ADCY8: variants seen among roughly 807,000 people sequenced by gnomAD.
ADCY8 encodes adenylate cyclase 8.
ADCY8 carries 51 observed loss-of-function variants against 119.7 expected under a neutral mutation model. The ratio of observed to expected loss-of-function variants is 0.43; its 90% CI spans 0.34 to 0.54. ADCY8 has a LOEUF of 0.54. Among genes scored for constraint, ADCY8 ranks in the 20% least tolerant of loss-of-function variants. ADCY8 has a pLI of 0.03. For missense variants in ADCY8, 1,383 were observed against 1,598.8 expected (o/e 0.87, Z 2.30); for synonymous variants, 665 against 651.0 (o/e 1.02, Z -0.33).
At chr8:130,922,624 C>A (rs986615289) in intron 5 of ADCY8, among the ~76,000 whole-genome samples, 1 of 152,062 alleles carries the variant, frequency 6.6e-6, no homozygotes, top group East Asian at 1.9e-4. Context: ...TACACAGACA[C>A]GGCAACCATC....
chr8:131,002,775 A>C (rs540922759), intron 1 of ADCY8, among the ~76,000 whole-genome samples: 2 of 152,302 alleles, frequency 1.3e-5, no homozygotes, highest in Admixed American at 1.3e-4. Flanking sequence ...CTTGAATTCC[A>C]AGAATAATAT....
At chr8:130,951,716 T>C (rs775568905) in intron 3 of ADCY8, 152 bp downstream of exon 3, 5 of 918,966 alleles carry the variant, frequency 5.4e-6, no homozygotes, top group South Asian at 2.0e-5. Flanking sequence ...AATGTAGAAC[T>C]CTCTGATGAA....
intron 1 of ADCY8, among the ~76,000 whole-genome samples, chr8:130,995,647 C>G (rs1451501913): frequency 6.6e-6 from 1 of 152,044 alleles, no homozygotes; most frequent in Non-Finnish European, 1.5e-5. Context: ...ATCTCCTCTT[C>G]TTCGAACACT....
At chr8:131,039,205 G>A (rs1203125788) in intron 1 of ADCY8, among the ~76,000 whole-genome samples, 169 bp downstream of exon 1, 2 of 152,332 alleles carry the variant, frequency 1.3e-5, no homozygotes, top group Non-Finnish European at 2.9e-5. Context: ...TCCACTTTAA[G>A]AAGAGATTGC....
At chr8:130,925,957 A>G (rs181790862) in intron 5 of ADCY8, among the ~76,000 whole-genome samples, 1 of 152,218 alleles carries the variant, frequency 6.6e-6, no homozygotes, top group Non-Finnish European at 1.5e-5. Flanking sequence ...GGGGAGAGAG[A>G]GTTATCCCTC....
At chr8:130,950,095 G>A (rs1018219376) in intron 3 of ADCY8, among the ~76,000 whole-genome samples, 1 of 152,204 alleles carries the variant, frequency 6.6e-6, no homozygotes, top group Non-Finnish European at 1.5e-5. Flanking sequence ...GTGCAAAATT[G>A]TCCTCTATCC....
At chr8:130,977,159 G>A (rs779821150) in intron 2 of ADCY8, among the ~76,000 whole-genome samples, 2 of 152,178 alleles carry the variant, frequency 1.3e-5, no homozygotes, top group Non-Finnish European at 1.5e-5. Flanking sequence ...TCGGGTGTGA[G>A]CGCATGGTGT....
At chr8:130,994,689 G>A (rs975168467) in intron 1 of ADCY8, among the ~76,000 whole-genome samples, 4 of 152,110 alleles carry the variant, frequency 2.6e-5, no homozygotes, top group Admixed American at 6.5e-5. Flanking sequence ...GACTTCAGTT[G>A]TTTTTAAATT....
chr8:130,939,409 C>T (rs1460293996), intron 4 of ADCY8, among the ~76,000 whole-genome samples: 1 of 152,120 alleles, frequency 6.6e-6, no homozygotes, highest in East Asian at 1.9e-4. Flanking sequence ...CAGATCCGAA[C>T]ACTGAGACTG....
At chr8:131,010,870 A>C (rs988647212) in intron 1 of ADCY8, among the ~76,000 whole-genome samples, 9 of 152,258 alleles carry the variant, frequency 5.9e-5, no homozygotes, top group African/African-American at 1.9e-4. Context: ...GAAATATGAT[A>C]CATCCATTTA....
In ADCY8 at chr8:130,867,810, A is replaced by G. The variant is rs138722871; in HGVS notation, c.2210+36T>C. ...ACTCCACATGAGGAATCTCACAAAG[A>G]TATTTCACCAGATCAATTAGTTCTT... On this transcript the variant is annotated intron_variant, in intron 9 of 17. Coordinates refer to ENST00000286355, the MANE Select transcript of ADCY8 (RefSeq NM_001115.3). 1.5e-4 allele frequency: 218 copies of G among 1,456,586 alleles called. 2 individuals are homozygous for G. In the East Asian group the frequency reaches 4.9e-3, roughly 33 times the overall value. 90.2% of individuals were successfully genotyped at this position (1,456,586 alleles called of 1,614,324 possible).
chr8:131,028,091 G>A (rs1349510689), intron 1 of ADCY8, among the ~76,000 whole-genome samples: 3 of 152,222 alleles, frequency 2.0e-5, no homozygotes, highest in Non-Finnish European at 4.4e-5. Context: ...ACTGGGTCAG[G>A]AGTGTTGAAC....
Position 130,859,220 on chromosome 8 carries a change from T to C in ADCY8, c.2210+8626A>G, listed in dbSNP as rs997467209. Reference sequence around the variant, plus strand: ...ACATATCTATAAATATTCCTACATGTAACCATCTCTATCTATATTAAGCTA... The same window carrying C: ...ACATATCTATAAATATTCCTACATGCAACCATCTCTATCTATATTAAGCTA... On this transcript the variant is annotated intron_variant, in intron 9 of 17. Coordinates refer to ENST00000286355, the MANE Select transcript of ADCY8 (RefSeq NM_001115.3). 9.2e-5 allele frequency among the ~76,000 whole-genome samples: 14 copies of C among 152,338 alleles called. No individual in the cohort carries two copies. In the South Asian group the frequency reaches 2.9e-3, roughly 32 times the overall value.
intron 1 of ADCY8, among the ~76,000 whole-genome samples, chr8:130,999,767 A>G (rs1429036994): frequency 1.3e-5 from 2 of 152,226 alleles, no homozygotes; most frequent in East Asian, 3.8e-4. Context: ...GTGTGCGTGG[A>G]AAGACCAGCT....
At chr8:130,987,474 ATAAT>A (rs1327906211) in intron 2 of ADCY8, among the ~76,000 whole-genome samples, 3 of 150,422 alleles carry the variant, frequency 2.0e-5, no homozygotes, top group Admixed American at 2.0e-4. Flanking sequence ...AACAAATTAA[ATAAT>A]TATTTTTTTT....
chr8:130,836,270 C>T lies in ADCY8; in HGVS notation c.2675+7G>A, dbSNP rs1301939180. 6.2e-7 allele frequency: 1 copy of T among 1,607,348 alleles called. No homozygotes were observed. The highest frequency in any genetic ancestry group is 1.7e-5 in the Admixed American group (1 of 59,302). On this transcript the variant is annotated splice_region_variant and intron_variant, in intron 12 of 17. Transcript: ENST00000286355. ...CACACTTTGGACTCACGGTGGTGGG[C>T]ACTTACTCTCCACTGTGGTTGAGGT...
At chr8:130,788,007 A>T (rs1815311825) in intron 15 of ADCY8, among the ~76,000 whole-genome samples, 1 of 152,232 alleles carries the variant, frequency 6.6e-6, no homozygotes, top group Non-Finnish European at 1.5e-5. Context: ...CTTGTCTATC[A>T]CATGCATTTA....
intron 7 of ADCY8, 73 bp downstream of exon 7, chr8:130,903,699 C>T (rs1471344794): frequency 3.3e-6 from 5 of 1,535,506 alleles, no homozygotes; most frequent in Non-Finnish European, 3.5e-6. Context: ...TCAGTTTTCT[C>T]TGAGGTGTCT....
intron 14 of ADCY8, among the ~76,000 whole-genome samples, chr8:130,806,736 C>T (rs1174154176): frequency 6.6e-6 from 1 of 152,200 alleles, no homozygotes; most frequent in Non-Finnish European, 1.5e-5. Flanking sequence ...CTCACTTCCC[C>T]TCATCTCTTA....
Sources: allele counts gnomAD v4.1 joint callset (sites outside exome capture counted in the v4.1 genomes callset), GRCh38; gene constraint gnomAD v4.1.1; transcripts MANE v1.5; gene names NCBI Gene and HGNC (gene_info 2026-07-23, HGNC 2026-07-21).